CTPS1: variants seen among roughly 807,000 people sequenced by gnomAD.
CTPS1 encodes CTP synthetase 1.
In CTPS1, 25 loss-of-function variants were observed where a neutral mutation model predicts 80.5. The ratio of observed to expected loss-of-function variants is 0.31; its 90% confidence interval spans 0.23 to 0.43. The LOEUF (loss-of-function observed/expected upper bound fraction) is 0.43. Ranked by LOEUF, CTPS1 falls within the 20% of genes least tolerant of loss-of-function variation. CTPS1 has a pLI of 1.00. For synonymous variants in CTPS1, 267 were observed against 252.5 expected, an observed-to-expected ratio of 1.06 and a Z score of -0.54; for missense variants, 442 against 725.7, an observed-to-expected ratio of 0.61 and a Z score of 4.49.
intron 12 of CTPS1, among the ~76,000 whole-genome samples, chr1:41,004,531 G>T (rs1216682791): frequency 6.6e-6 from 1 of 152,184 alleles, no homozygotes; most frequent in Non-Finnish European, 1.5e-5. Flanking sequence ...TAGGTGCTTT[G>T]GTGATGAGCT....
chr1:40,984,210 CTTTT>C (rs1215633001), intron 2 of CTPS1, among the ~76,000 whole-genome samples: 1 of 152,236 alleles, frequency 6.6e-6, no homozygotes, highest in East Asian at 1.9e-4. Flanking sequence ...GAAAATGAGA[CTTTT>C]TTTCCTTTCC....
At chr1:41,005,314 T>C (rs11209347) in intron 12 of CTPS1, among the ~76,000 whole-genome samples, 105,359 of 151,768 alleles carry the variant, frequency 0.69, 37,080 homozygotes, top group Middle Eastern at 0.78. Flanking sequence ...CATGGTGGTG[T>C]ATACCTGTAA....
rs748205702 is a variant in CTPS1, at chr1:41,010,158, C to T, written c.1692-3C>T. The T allele has an allele frequency of 1.9e-5, 30 of 1,610,274 alleles. No individual in the cohort carries two copies. Among genetic ancestry groups the T allele is most frequent in the Non-Finnish European group, 2.5e-5 (29 of 1,176,928 alleles). On this transcript the variant is annotated splice_polypyrimidine_tract_variant and splice_region_variant and intron_variant, in intron 17 of 18. Coordinates refer to ENST00000650070, the MANE Select transcript of CTPS1 (RefSeq NM_001905.4). The stretch of plus-strand genomic sequence containing the variant: ...TGATGCGTAAACCATCTGAATTCTA[C>T]AGGGACACCTATAGTGACAGGAGTG...
intron 5 of CTPS1, among the ~76,000 whole-genome samples, chr1:40,990,771 C>T (rs1399189327): frequency 6.6e-6 from 1 of 152,134 alleles, no homozygotes; most frequent in African/African-American, 2.4e-5. Flanking sequence ...TATTTAAATA[C>T]TTAAAAAGTA....
intron 9 of CTPS1, among the ~76,000 whole-genome samples, chr1:40,999,426 C>T (rs527470872): frequency 3.3e-5 from 5 of 152,134 alleles, no homozygotes; most frequent in African/African-American, 9.6e-5. Context: ...AAAGTGGGCA[C>T]GAGATTTGAA....
At chr1:40,995,360 G>T (rs1446586098) in intron 7 of CTPS1, among the ~76,000 whole-genome samples, 1 of 149,504 alleles carries the variant, frequency 6.7e-6, no homozygotes, top group African/African-American at 2.5e-5. Flanking sequence ...CTGGGACCAT[G>T]GGCACATGCC....
intron 7 of CTPS1, among the ~76,000 whole-genome samples, chr1:40,995,171 G>A (rs374338422): frequency 1.3e-5 from 2 of 152,102 alleles, no homozygotes; most frequent in South Asian, 4.1e-4. Flanking sequence ...TCATAGGTTC[G>A]TGGACATGAT....
At chr1:41,003,427 T>G (rs1642957024) in intron 12 of CTPS1, among the ~76,000 whole-genome samples, 1 of 152,140 alleles carries the variant, frequency 6.6e-6, no homozygotes, top group African/African-American at 2.4e-5. Context: ...TGAGATTCTG[T>G]CACTTTGATC....
intron 12 of CTPS1, 150 bp from the exon 13 acceptor site, chr1:41,005,901 G>A (rs1381330718): frequency 1.5e-6 from 1 of 658,304 alleles, no homozygotes; most frequent in Non-Finnish European, 2.7e-6. Context: ...GATCTCGTCT[G>A]GGGATGAGGT....
chr1:40,985,663 G>A (rs1642433568), intron 3 of CTPS1, among the ~76,000 whole-genome samples: 1 of 152,068 alleles, frequency 6.6e-6, no homozygotes, highest in Admixed American at 6.6e-5. Context: ...AGTTATGAGA[G>A]CAGATCTGCT....
At chr1:40,999,002 G>A (rs1198122780) in intron 9 of CTPS1, among the ~76,000 whole-genome samples, 2 of 152,148 alleles carry the variant, frequency 1.3e-5, no homozygotes, top group African/African-American at 4.8e-5. Context: ...TGTTTGTCAG[G>A]TGGCAGAGGA....
intron 1 of CTPS1, chr1:40,980,860 CA>C (rs1651855142): frequency 1.3e-5 from 2 of 153,160 alleles, no homozygotes; most frequent in African/African-American, 4.8e-5. Flanking sequence ...CCTTCCCCCT[CA>C]CGGCCTTACC....
In CTPS1 at chr1:41,006,291, G is replaced by A. The variant is rs534961178; in HGVS notation, c.1296+197G>A. Among the ~76,000 whole-genome samples, 4 of 152,140 alleles carry A rather than the reference G, an allele frequency of 2.6e-5. No individual in the cohort carries two copies. The South Asian group carries it at 8.3e-4, about 32-fold the overall frequency. On this transcript the variant is annotated intron_variant, in intron 13 of 18. Coordinates refer to ENST00000650070, the MANE Select transcript of CTPS1 (RefSeq NM_001905.4). ...TGTAATTCCTCCCTAATCTTTCATTGACCACAGAAAGTTTTTAAGACAGGT... is the reference window on the plus strand; with the variant it reads ...TGTAATTCCTCCCTAATCTTTCATTAACCACAGAAAGTTTTTAAGACAGGT...
intron 9 of CTPS1, 61 bp downstream of exon 9, chr1:40,997,587 A>T: frequency 1.3e-6 from 2 of 1,570,424 alleles, no homozygotes; most frequent in South Asian, 2.3e-5. Flanking sequence ...GTAGTCTCGT[A>T]GGTGCTGTGT....
rs1308589550 is a variant in CTPS1, at chr1:41,003,128, A to T, written c.1204A>T (p.Met402Leu). 1.2e-6 allele frequency: 2 copies of T among 1,614,114 alleles called. No homozygotes were observed. Among genetic ancestry groups the T allele is most frequent in the East Asian group, 4.5e-5 (2 of 44,876 alleles). ...CCGACTGGAAGGCGTGTGCTTAGGGATGCAGTTGGCAGTGGTTGAATTCTC... is the reference window on the plus strand; with the variant it reads ...CCGACTGGAAGGCGTGTGCTTAGGGTTGCAGTTGGCAGTGGTTGAATTCTC... ...KKPFLGVCLGMQLAVVEFSRN... is the reference protein window; with the variant it reads ...KKPFLGVCLGLQLAVVEFSRN... The change falls in exon 12 of 19, where the codon ATG becomes TTG. Residue 402 changes from methionine to leucine, a missense_variant. Transcript: ENST00000650070.
chr1:40,998,715 G>A (rs1250530966), intron 9 of CTPS1, among the ~76,000 whole-genome samples: 1 of 152,162 alleles, frequency 6.6e-6, no homozygotes, highest in African/African-American at 2.4e-5. Flanking sequence ...TTTTCAGGAA[G>A]AGATGAAGGT....
chr1:41,011,344 T>C (rs1412275294), intron 18 of CTPS1, among the ~76,000 whole-genome samples: 1 of 151,970 alleles, frequency 6.6e-6, no homozygotes, highest in Non-Finnish European at 1.5e-5. Flanking sequence ...GTGAAGGAGG[T>C]AGATATTTGG....
Position 40,984,904 on chromosome 1 carries a change from A to T in CTPS1, c.250A>T (p.Lys84Ter). The stretch of plus-strand genomic sequence containing the variant: ...GCGGTTCCTTGACATCCGCCTCACC[A>T]AGGACAATAATCTGACCACTGGAAA... ...YERFLDIRLT[K>*]DNNLTTGKIY... The change falls in exon 3 of 19, where the codon AAG becomes TAG. Residue 84 changes from lysine to a stop codon, truncating the protein, a stop_gained. Coordinates refer to ENST00000650070, the MANE Select transcript of CTPS1 (RefSeq NM_001905.4). LOFTEE classifies it high-confidence loss of function. 1 of 1,607,100 alleles carries T rather than the reference A, an allele frequency of 6.2e-7. No homozygotes were observed. The highest frequency in any genetic ancestry group is 8.5e-7 in the Non-Finnish European group (1 of 1,175,680).
At chr1:40,989,577 T>C (rs553846274) in intron 5 of CTPS1, among the ~76,000 whole-genome samples, 111 of 152,088 alleles carry the variant, frequency 7.3e-4, no homozygotes, top group Middle Eastern at 3.4e-3. Flanking sequence ...ACATAACTTA[T>C]AGGTAGCATT....
Sources: gnomAD v4.1 joint callset for allele counts (sites outside exome capture counted in the v4.1 genomes callset) on GRCh38, gnomAD v4.1.1 for gene constraint, MANE v1.5 for transcripts, NCBI Gene and HGNC (gene_info 2026-07-23, HGNC 2026-07-21) for gene names.